The following SPTBN5 variants were observed in gnomAD, a reference collection of about 807,000 sequenced individuals.
The protein encoded by SPTBN5 is spectrin beta, non-erythrocytic 5.
SPTBN5 carries 513 observed loss-of-function variants against 477.6 expected under a neutral mutation model. The observed-to-expected ratio is 1.07, with a 90% CI of 1.00 to 1.16. SPTBN5 has a LOEUF of 1.16. Among genes scored for constraint, SPTBN5 ranks in the 50% most tolerant of loss-of-function variants. The pLI, the probability that SPTBN5 is intolerant of heterozygous loss-of-function variation, is 0.00. For missense variants in SPTBN5, 5,062 were observed against 4,731.8 expected (o/e 1.07, Z -2.05); for synonymous variants, 2,169 against 2,011.7 (o/e 1.08, Z -2.09).
At chr15:41,889,960 T>C in intron 4 of SPTBN5, 129 bp downstream of exon 4, 1 of 636,370 alleles carries the variant, frequency 1.6e-6, no homozygotes, top group Non-Finnish European at 2.8e-6. Flanking sequence ...GAATATGGAC[T>C]TTGCAGTTTC....
At chr15:41,869,738 T>C in intron 32 of SPTBN5, 103 bp downstream of exon 32, 1 of 1,240,798 alleles carries the variant, frequency 8.1e-7, no homozygotes, top group Non-Finnish European at 1.0e-6. Context: ...AAGTCCATGC[T>C]TGTTCTCCCT....
At chr15:41,862,504 A>T (rs143751477) in intron 43 of SPTBN5, 35 bp downstream of exon 43, 2 of 1,572,340 alleles carry the variant, frequency 1.3e-6, no homozygotes, top group Non-Finnish European at 1.7e-6. Flanking sequence ...ATGCTGGAGG[A>T]TGGGTCGGCG....
In SPTBN5 at chr15:41,850,748, G is replaced by A. The variant is rs865910943; in HGVS notation, c.10921+106C>T. 9 of 958,078 alleles carry A rather than the reference G, an allele frequency of 9.4e-6. No individual in the cohort carries two copies. The South Asian group carries it at 1.0e-4, about 11-fold the overall frequency. The allele number at this position is 958,078 out of a possible 1,614,324, so 59.3% of individuals were successfully genotyped here. Reference sequence around the variant, plus strand: ...TAAGTCCCACTTCTTGGAGGTTAGAGATGCTAACTGTGAAACCTCCCTAGG... The same window carrying A: ...TAAGTCCCACTTCTTGGAGGTTAGAAATGCTAACTGTGAAACCTCCCTAGG... On this transcript the variant is annotated intron_variant, in intron 66 of 67. Coordinates refer to ENST00000320955, the MANE Select transcript of SPTBN5 (RefSeq NM_016642.4).
At position 41,890,005 on chromosome 15, in the gene SPTBN5, G is replaced by A. The variant is rs548219749; in HGVS notation, c.501+84C>T. On this transcript the variant is annotated intron_variant, in intron 4 of 67. Transcript: ENST00000320955. ...CTATGGGGATCATAAAAGTTGTGTG[G>A]AACTTATGAATCCCCAGGGGTCTGA... 42 of 844,898 alleles carry A rather than the reference G, an allele frequency of 5.0e-5. No individual in the cohort carries two copies. The South Asian group carries it at 5.7e-4, about 12-fold the overall frequency. The allele number at this position is 844,898 out of a possible 1,614,324, so 52.3% of individuals were successfully genotyped here. A position where few individuals can be genotyped will look rare whatever the true frequency, so the allele number is the denominator to read the frequency against.
In SPTBN5 at chr15:41,852,961, C is replaced by A; in HGVS notation, c.10210G>T (p.Glu3404Ter). ...CLQELEGRLQ[E>*]LEEAWALRWQ... is the part of the protein sequence containing the mutation. ...CGCAGGGCCCAAGCCTCCTCCAGCT[C>A]CTGCAGCCGCCCTTCCAGCTCCTGC... is the stretch of plus-strand genomic sequence containing the variant. The change falls in exon 60 of 68, where the codon GAG (glutamate) becomes TAG (stop). Residue 3404 changes from glutamate (E) to a stop codon, truncating the protein, a stop_gained. Coordinates refer to ENST00000320955, the MANE Select transcript of SPTBN5 (RefSeq NM_016642.4). LOFTEE classifies it high-confidence loss of function. The A allele has an allele frequency of 3.8e-6, 6 of 1,566,338 alleles. No homozygotes were observed. The highest frequency in any genetic ancestry group is 5.2e-6 in the Non-Finnish European group (6 of 1,156,104).
In SPTBN5 at chr15:41,860,487, C is replaced by T. The variant is rs2066068505; in HGVS notation, c.7988+99G>A. On this transcript the variant is annotated intron_variant, in intron 47 of 67. Transcript: ENST00000320955. ...TCAGTCCTTGGACAAGGCTGGTGAG[C>T]CTGGGCCAAGTAGTGGAAGGGTGGG... 6.3e-6 allele frequency: 8 copies of T among 1,272,440 alleles called. No individual in the cohort carries two copies. In the South Asian group the frequency reaches 1.3e-4, roughly 20 times the overall value. The allele number at this position is 1,272,440 out of a possible 1,614,324, so 78.8% of individuals were successfully genotyped here. A position where few individuals can be genotyped will look rare whatever the true frequency, so the allele number is the denominator to read the frequency against.
intron 63 of SPTBN5, 37 bp downstream of exon 63, chr15:41,851,741 TG>T: frequency 1.3e-6 from 2 of 1,528,312 alleles, no homozygotes; most frequent in Non-Finnish European, 1.8e-6. Context: ...CTGCTGCAAG[TG>T]GGGAGCTGCC....
chr15:41,867,658 A>T lies in SPTBN5; in HGVS notation c.6208-16T>A. 1 of 1,611,368 alleles carries T rather than the reference A, an allele frequency of 6.2e-7. No homozygotes were observed. The highest frequency in any genetic ancestry group is 8.5e-7 in the Non-Finnish European group (1 of 1,178,886). On this transcript the variant is annotated splice_polypyrimidine_tract_variant and intron_variant, in intron 34 of 67. Coordinates refer to ENST00000320955, the MANE Select transcript of SPTBN5 (RefSeq NM_016642.4). The stretch of plus-strand genomic sequence containing the variant: ...TCAGGGAGACCTGGATCCACAGAAA[A>T]GTCAGAGGCCACCAAGCCTTCCAGC...
intron 20 of SPTBN5, 56 bp from the exon 21 acceptor site, chr15:41,876,340 C>T (rs2066727356): frequency 2.0e-6 from 3 of 1,489,038 alleles, no homozygotes; most frequent in African/African-American, 1.4e-5. Context: ...GGGCTGGTGC[C>T]TAGCCCTGCA....
In SPTBN5 at chr15:41,873,527, C is replaced by T. The variant is rs1317525029; in HGVS notation, c.4972G>A (p.Glu1658Lys). Residue 1658 changes from glutamate to lysine, a missense_variant, in exon 26 of 68, where the codon GAG becomes AAG. Transcript: ENST00000320955. ...TTAATGAGCCTGAGGGTGGCTGCCT[C>T]GTCTCTGCCATAGTCCCGACTGCTC... ...LVSSRDYGRD[E>K]AATLRLINKH... 23 of 1,551,790 alleles carry T rather than the reference C, an allele frequency of 1.5e-5. No individual in the cohort carries two copies. Among genetic ancestry groups the T allele is most frequent in the Middle Eastern group, 1.7e-4 (1 of 6,014 alleles).
intron 7 of SPTBN5, 103 bp from the exon 8 acceptor site, chr15:41,883,589 G>T (rs2067050974): frequency 1.4e-6 from 2 of 1,397,464 alleles, no homozygotes; most frequent in African/African-American, 1.4e-5. Flanking sequence ...GGAAGAGTCT[G>T]ACCTCCATGG....
In SPTBN5 at chr15:41,885,862, C is replaced by A. The variant is rs866089923; in HGVS notation, c.1393G>T (p.Ala465Ser). The A allele has an allele frequency of 6.4e-7, 1 of 1,574,140 alleles. No homozygotes were observed. The highest frequency in any genetic ancestry group is 8.6e-7 in the Non-Finnish European group (1 of 1,160,112). Residue 465 changes from alanine to serine, a missense_variant, in exon 7 of 68, where the codon GCC (alanine) becomes TCC (serine). Physicochemically the swap from Ala to Ser is moderately conservative, Grantham distance 99 (BLOSUM62 1). Coordinates refer to ENST00000320955, the MANE Select transcript of SPTBN5 (RefSeq NM_016642.4). ...TCCAGCATGCCCAGCCTCTGGACGG[C>A]TGCCTCCACTGTGGCCAGGCTGGCT... ...PPASLATVEA[A>S]VQRLGMLEAG...
chr15:41,850,048 GCT>G, intron 66 of SPTBN5, 89 bp from the exon 67 acceptor site: 5 of 1,106,904 alleles, frequency 4.5e-6, no homozygotes, highest in Non-Finnish European at 5.4e-6. Context: ...GCTTCTGGAG[GCT>G]CAGCACAGCC....
chr15:41,862,301 A>G lies in SPTBN5; in HGVS notation c.7386-9T>C. 1.3e-6 allele frequency: 2 copies of G among 1,583,370 alleles called. No individual in the cohort carries two copies. Among genetic ancestry groups the G allele is most frequent in the Non-Finnish European group, 8.6e-7 (1 of 1,163,318 alleles). On this transcript the variant is annotated splice_polypyrimidine_tract_variant and intron_variant, in intron 43 of 67. Coordinates refer to ENST00000320955, the MANE Select transcript of SPTBN5 (RefSeq NM_016642.4). ...CATCCAGCGCCTCCCTCCTGCCCAC[A>G]GCGCTCATCAGCTAGTCGTCAGGCC...
At chr15:41,851,581 T>TGGGGG (rs138547502) in intron 63 of SPTBN5, among the ~76,000 whole-genome samples, 198 bp downstream of exon 63, 9 of 120,058 alleles carry the variant, frequency 7.5e-5, no homozygotes, top group African/African-American at 2.7e-4. Context: ...CAGCACCTCC[T>TGGGGG]GGTGGGGGTG....
At chr15:41,879,637 G>T (rs2140956531) in intron 15 of SPTBN5, 97 bp downstream of exon 15, 6 of 1,590,108 alleles carry the variant, frequency 3.8e-6, no homozygotes, top group Non-Finnish European at 5.1e-6. Context: ...GACACGTCCA[G>T]CCTCTCCATC....
chr15:41,855,873 C>G, intron 53 of SPTBN5, 128 bp from the exon 54 acceptor site: 1 of 1,014,544 alleles, frequency 9.9e-7, no homozygotes, highest in Non-Finnish European at 1.4e-6. Flanking sequence ...TCAGCCTGGC[C>G]CCACTCCTAA....
rs760171256 is a variant in SPTBN5, at chr15:41,862,235, T to G, written c.7443A>C (p.Glu2481Asp). 9 of 1,611,856 alleles carry G rather than the reference T, an allele frequency of 5.6e-6. No homozygotes were observed. Among genetic ancestry groups the G allele is most frequent in the Middle Eastern group, 1.7e-4 (1 of 6,058 alleles). The change falls in exon 44 of 68, where the codon GAA becomes GAC. Residue 2481 changes from glutamate (E) to aspartate (D), a missense_variant. Glu to Asp is a conservative substitution (Grantham distance 45). Transcript: ENST00000320955. ...QAQKLQAMLQ[E>D]LLVSAQRLRA... ...GCAGCCTCTGGGCGCTGACCAGCAA[T>G]TCCTGCAGCATTGCCTGGAGTTTCT...
In SPTBN5 at chr15:41,854,830, A is replaced by G. The variant is rs1330857997; in HGVS notation, c.9570T>C (p.Ile3190=). The G allele has an allele frequency of 1.3e-6, 2 of 1,591,530 alleles. No homozygotes were observed. The highest frequency in any genetic ancestry group is 1.1e-5 in the South Asian group (1 of 87,662). Residue 3190 remains isoleucine, a synonymous_variant, in exon 56 of 68, where the codon ATT becomes ATC. Transcript: ENST00000320955. The stretch of plus-strand genomic sequence containing the variant: ...GGTCCAACCTCTCCCAAGCAGCCTC[A>G]ATGCGGCTCCTCTGGGCTTGGATGT... ...YPHIQAQRSR[I]EAAWERLDQA...
Sources: gnomAD v4.1 joint callset for allele counts (sites outside exome capture counted in the v4.1 genomes callset) on GRCh38, gnomAD v4.1.1 for gene constraint, MANE v1.5 for transcripts, NCBI Gene and HGNC (gene_info 2026-07-23, HGNC 2026-07-21) for gene names.